The following TAOK1 variants were observed in gnomAD, a reference collection of about 807,000 sequenced individuals.
TAOK1 encodes TAO kinase 1, also known as serine/threonine-protein kinase TAO1.
Under a neutral mutation model 138.3 loss-of-function variants are expected in TAOK1, and 21 were observed. The observed-to-expected ratio is 0.15, with a 90% confidence interval of 0.11 to 0.22. The LOEUF (loss-of-function observed/expected upper bound fraction) is 0.22. TAOK1 is among the 10% of genes least tolerant of loss of function. The pLI, the probability that TAOK1 is intolerant of heterozygous loss-of-function variation, is 1.00. For synonymous variants in TAOK1, 361 were observed against 398.4 expected (o/e 0.91, Z 1.12); for missense variants, 651 against 1,227.7 (o/e 0.53, Z 7.02).
chr17:29,422,143 C>T (rs34222698), intron 1 of TAOK1, among the ~76,000 whole-genome samples: 23,631 of 151,778 alleles, frequency 0.16, 2,084 homozygotes, highest in Middle Eastern at 0.22. Flanking sequence ...GTGATCCACC[C>T]GCCTCGGCCT....
chr17:29,492,986 C>T (rs1468487283), intron 10 of TAOK1, among the ~76,000 whole-genome samples: 3 of 150,648 alleles, frequency 2.0e-5, no homozygotes, highest in African/African-American at 7.3e-5. Flanking sequence ...ACTAATAATA[C>T]AAAAATTAGC....
intron 2 of TAOK1, among the ~76,000 whole-genome samples, chr17:29,456,627 T>C (rs2030383548): frequency 6.6e-6 from 1 of 150,670 alleles, no homozygotes; most frequent in South Asian, 2.1e-4. Context: ...GTAATGCAAA[T>C]ATTCCAAAAT....
chr17:29,528,839 CAAAAAAAAAAAA>C (rs58073512), intron 17 of TAOK1, among the ~76,000 whole-genome samples: 104 of 69,442 alleles, frequency 1.5e-3, no homozygotes, highest in African/African-American at 5.8e-3. Flanking sequence ...GACTCCGTCT[CAAAAAAAAAAAA>C]AAAAAAAAAA....
At chr17:29,461,196 G>C (rs1323765233) in intron 2 of TAOK1, among the ~76,000 whole-genome samples, 2 of 152,164 alleles carry the variant, frequency 1.3e-5, no homozygotes, top group Non-Finnish European at 2.9e-5. Flanking sequence ...AGCCTGTAAA[G>C]AGCATTACTC....
At chr17:29,515,917 G>C (rs1295089863) in intron 15 of TAOK1, among the ~76,000 whole-genome samples, 1 of 151,912 alleles carries the variant, frequency 6.6e-6, no homozygotes, top group Admixed American at 6.6e-5. Flanking sequence ...ACACAATTAA[G>C]AACTTTTATT....
At chr17:29,467,301 T>G in intron 3 of TAOK1, 85 bp downstream of exon 3, 2 of 727,896 alleles carry the variant, frequency 2.7e-6, no homozygotes, top group Non-Finnish European at 4.1e-6. Context: ...TGAGACTGAG[T>G]CTCCCTCTGT....
intron 17 of TAOK1, among the ~76,000 whole-genome samples, chr17:29,527,004 T>C (rs574935117): frequency 6.6e-6 from 1 of 152,116 alleles, no homozygotes; most frequent in East Asian, 1.9e-4. Flanking sequence ...CATGCACCTG[T>C]AGTCCCAGCT....
intron 1 of TAOK1, among the ~76,000 whole-genome samples, chr17:29,403,263 G>C (rs1019400538): frequency 6.6e-6 from 1 of 151,104 alleles, no homozygotes; most frequent in African/African-American, 2.4e-5. Flanking sequence ...CATGGTAGTA[G>C]TTACAAACCT....
intron 2 of TAOK1, among the ~76,000 whole-genome samples, chr17:29,452,513 A>AAACTT (rs1170496249): frequency 6.6e-6 from 1 of 152,172 alleles, no homozygotes; most frequent in African/African-American, 2.4e-5. Flanking sequence ...TGAATTAAAA[A>AAACTT]AACTTATCAA....
intron 1 of TAOK1, among the ~76,000 whole-genome samples, chr17:29,398,354 C>T (rs780224281): frequency 4.7e-5 from 7 of 150,048 alleles, no homozygotes; most frequent in Non-Finnish European, 8.9e-5. Flanking sequence ...TACAGGTATG[C>T]GCCACCATGC....
chr17:29,448,291 AAC>A (rs1192933538), intron 1 of TAOK1, among the ~76,000 whole-genome samples: 3 of 152,090 alleles, frequency 2.0e-5, no homozygotes, highest in Non-Finnish European at 4.4e-5. Flanking sequence ...CGCTCTCAAA[AAC>A]ACATTTTTAT....
At chr17:29,539,684 C>T (rs2032282888) in intron 19 of TAOK1, among the ~76,000 whole-genome samples, 1 of 152,140 alleles carries the variant, frequency 6.6e-6, no homozygotes. Flanking sequence ...GATCCTCGTA[C>T]CTCAGCCTCC....
At chr17:29,527,529 C>G (rs1038630292) in intron 17 of TAOK1, among the ~76,000 whole-genome samples, 9 of 152,154 alleles carry the variant, frequency 5.9e-5, no homozygotes, top group African/African-American at 1.9e-4. Flanking sequence ...CTAGACATTT[C>G]TTGACCCCTC....
At chr17:29,467,280 CTTT>C in intron 3 of TAOK1, 64 bp downstream of exon 3, 4 of 889,046 alleles carry the variant, frequency 4.5e-6, no homozygotes, top group Non-Finnish European at 6.5e-6. Flanking sequence ...TATATACATT[CTTT>C]TTTTTTTTGA....
rs753512904 is a variant in TAOK1, at chr17:29,495,768, T to G, written c.999+41T>G. 5.5e-6 allele frequency: 8 copies of G among 1,461,190 alleles called. No individual in the cohort carries two copies. The African/African-American group carries it at 1.1e-4, about 21-fold the overall frequency. 90.5% of individuals were successfully genotyped at this position (1,461,190 alleles called of 1,614,324 possible). A position where few individuals can be genotyped will look rare whatever the true frequency, so the allele number is the denominator to read the frequency against. ...ATGACTCCAATATTGAATTTTCACTTTTGGTTTCTTTCCTTATGCAGCTTG... is the reference window on the plus strand; with the variant it reads ...ATGACTCCAATATTGAATTTTCACTGTTGGTTTCTTTCCTTATGCAGCTTG... On this transcript the variant is annotated intron_variant, in intron 11 of 19. Coordinates refer to ENST00000261716, the MANE Select transcript of TAOK1 (RefSeq NM_020791.4).
rs377308271 is a variant in TAOK1, at chr17:29,444,845, C to A, written c.-94-6610C>A. Among the ~76,000 whole-genome samples the A allele has an allele frequency of 2.6e-5, 4 of 152,288 alleles. No homozygotes were observed. The East Asian group carries it at 5.8e-4, about 22-fold the overall frequency. The stretch of plus-strand genomic sequence containing the variant: ...TAATTAGGTTGACTTTGATTTCTTT[C>A]ACCAGATTTGTATTGTTTTTACTGT... On this transcript the variant is annotated intron_variant, in intron 1 of 19. Transcript: ENST00000261716.
intron 1 of TAOK1, among the ~76,000 whole-genome samples, chr17:29,406,716 A>C (rs1216283715): frequency 6.6e-6 from 1 of 152,006 alleles, no homozygotes; most frequent in African/African-American, 2.4e-5. Flanking sequence ...CTGGGAGACT[A>C]CTGGCATACA....
At chr17:29,507,666 A>AT (rs35385573) in intron 13 of TAOK1, among the ~76,000 whole-genome samples, 4 of 151,580 alleles carry the variant, frequency 2.6e-5, no homozygotes, top group Non-Finnish European at 4.4e-5. Context: ...TCCTCCAAAT[A>AT]TTTTTTTTCC....
At chr17:29,498,272 G>C in intron 11 of TAOK1, 46 bp from the exon 12 acceptor site, 1 of 1,594,130 alleles carries the variant, frequency 6.3e-7, no homozygotes, top group Non-Finnish European at 8.6e-7. Context: ...AGAAGAGAGA[G>C]ATATATATTA....
Sources: allele counts gnomAD v4.1 joint callset (sites outside exome capture counted in the v4.1 genomes callset), GRCh38; gene constraint gnomAD v4.1.1; transcripts MANE v1.5; gene names NCBI Gene and HGNC (gene_info 2026-07-23, HGNC 2026-07-21).